NKAIN2: variants seen among roughly 807,000 people sequenced by gnomAD.
NKAIN2 encodes sodium/potassium transporting ATPase interacting 2, also known as sodium/potassium-transporting ATPase subunit beta-1-interacting protein 2.
In NKAIN2, 14 loss-of-function variants were observed where a neutral mutation model predicts 32.6. The observed-to-expected ratio is 0.43, with a 90% CI of 0.28 to 0.67. The LOEUF (loss-of-function observed/expected upper bound fraction) is 0.67. Among genes scored for constraint, NKAIN2 ranks in the 30% least tolerant of loss-of-function variants. The pLI, the probability that NKAIN2 is intolerant of heterozygous loss-of-function variation, is 0.17. For synonymous variants in NKAIN2, 80 were observed against 87.2 expected (o/e 0.92, Z 0.46); for missense variants, 198 against 258.3 (o/e 0.77, Z 1.60).
intron 2 of NKAIN2, among the ~76,000 whole-genome samples, chr6:124,315,929 C>T (rs1796931562): frequency 6.6e-6 from 1 of 151,972 alleles, no homozygotes; most frequent in Non-Finnish European, 1.5e-5. Context: ...TTAAAATGTT[C>T]TTATGACAAG....
intron 3 of NKAIN2, among the ~76,000 whole-genome samples, chr6:124,457,172 G>T (rs1292030368): frequency 6.6e-6 from 1 of 151,844 alleles, no homozygotes; most frequent in Non-Finnish European, 1.5e-5. Context: ...CTAGAACTTT[G>T]TATCCAGTGA....
At chr6:124,726,940 T>C (rs1776353871) in intron 4 of NKAIN2, among the ~76,000 whole-genome samples, 1 of 133,814 alleles carries the variant, frequency 7.5e-6, no homozygotes, top group Non-Finnish European at 1.6e-5. Flanking sequence ...TGCAATCAAC[T>C]GGAAGAAAGG....
chr6:123,959,490 T>C (rs1181855380), intron 1 of NKAIN2, among the ~76,000 whole-genome samples: 1 of 152,190 alleles, frequency 6.6e-6, no homozygotes, highest in East Asian at 1.9e-4. Flanking sequence ...AAGTGGTTGT[T>C]GTAAAAACAA....
chr6:124,716,951 T>C (rs1583709946), intron 4 of NKAIN2, among the ~76,000 whole-genome samples: 1 of 152,230 alleles, frequency 6.6e-6, no homozygotes, highest in African/African-American at 2.4e-5. Context: ...CCTACAACAA[T>C]GTCTAGCATA....
chr6:124,418,877 G>A (rs1022237627), intron 3 of NKAIN2, among the ~76,000 whole-genome samples: 15 of 151,806 alleles, frequency 9.9e-5, no homozygotes, highest in South Asian at 2.1e-4. Flanking sequence ...TTGCATATGC[G>A]AATGATTCTC....
At chr6:124,759,587 CAACACACACACACACACACA>C (rs1562367518) in intron 4 of NKAIN2, among the ~76,000 whole-genome samples, 1 of 102,268 alleles carries the variant, frequency 9.8e-6, no homozygotes, top group African/African-American at 4.0e-5. Flanking sequence ...TCTGAAATTG[CAACACACACACACACACACA>C]CACACACACA....
chr6:124,486,125 C>T (rs984632373), intron 3 of NKAIN2, among the ~76,000 whole-genome samples: 24 of 152,072 alleles, frequency 1.6e-4, no homozygotes, highest in African/African-American at 3.9e-4. Context: ...TAAACTAATA[C>T]GAGAGTATAG....
chr6:124,691,121 GA>G (rs1281833805), intron 4 of NKAIN2, among the ~76,000 whole-genome samples: 1 of 152,124 alleles, frequency 6.6e-6, no homozygotes, highest in African/African-American at 2.4e-5. Flanking sequence ...TTGTGCGATA[GA>G]AAACACTGCT....
intron 2 of NKAIN2, among the ~76,000 whole-genome samples, chr6:124,318,627 A>G (rs1243558988): frequency 6.6e-6 from 1 of 152,038 alleles, no homozygotes; most frequent in Non-Finnish European, 1.5e-5. Flanking sequence ...TCTTTGTCTT[A>G]AATCTCCTCA....
chr6:123,872,913 A>T (rs899521095), intron 1 of NKAIN2, among the ~76,000 whole-genome samples: 15 of 152,216 alleles, frequency 9.9e-5, no homozygotes, highest in African/African-American at 3.1e-4. Flanking sequence ...TTATTGGTCA[A>T]TCCTACATTC....
intron 2 of NKAIN2, among the ~76,000 whole-genome samples, chr6:124,352,554 G>T (rs12201181): frequency 0.17 from 26,592 of 152,168 alleles, 2,405 homozygotes; most frequent in Middle Eastern, 0.24. Context: ...AGGAGAGTTT[G>T]ATATGTGTAA....
intron 1 of NKAIN2, among the ~76,000 whole-genome samples, chr6:123,867,084 A>T (rs892621706): frequency 6.6e-6 from 1 of 152,106 alleles, no homozygotes; most frequent in Non-Finnish European, 1.5e-5. Context: ...AGCCTGGGAG[A>T]TGTTTCAATA....
chr6:123,955,028 A>C (rs1164948850), intron 1 of NKAIN2, among the ~76,000 whole-genome samples: 2 of 152,036 alleles, frequency 1.3e-5, no homozygotes, highest in African/African-American at 4.8e-5. Context: ...GGGTAGGTAA[A>C]AAGAGAGAAA....
chr6:123,842,857 A>G (rs1345407958), intron 1 of NKAIN2, among the ~76,000 whole-genome samples: 1 of 152,092 alleles, frequency 6.6e-6, no homozygotes, highest in Non-Finnish European at 1.5e-5. Flanking sequence ...CCTTCCTCTT[A>G]TCTGGTCCAG....
At chr6:124,403,363 A>G (rs1421843059) in intron 3 of NKAIN2, among the ~76,000 whole-genome samples, 1 of 152,148 alleles carries the variant, frequency 6.6e-6, no homozygotes, top group Non-Finnish European at 1.5e-5. Context: ...AATAAATTAC[A>G]TATACATTCA....
At chr6:124,461,294 C>CGT (rs372456880) in intron 3 of NKAIN2, among the ~76,000 whole-genome samples, 112 of 150,930 alleles carry the variant, frequency 7.4e-4, no homozygotes, top group African/African-American at 2.3e-3. Context: ...TAATTGTGAC[C>CGT]GTGTGTGTGT....
At chr6:123,977,738 T>C (rs1391252950) in intron 1 of NKAIN2, among the ~76,000 whole-genome samples, 1 of 152,202 alleles carries the variant, frequency 6.6e-6, no homozygotes, top group Non-Finnish European at 1.5e-5. Context: ...GGACTAATAA[T>C]GGCTTATGCA....
At chr6:124,445,828 A>G (rs1490245310) in intron 3 of NKAIN2, among the ~76,000 whole-genome samples, 1 of 152,094 alleles carries the variant, frequency 6.6e-6, no homozygotes, top group Non-Finnish European at 1.5e-5. Flanking sequence ...GCATGTCATT[A>G]AGGATGCTAT....
At chr6:124,483,277 G>T (rs914600778) in intron 3 of NKAIN2, among the ~76,000 whole-genome samples, 1 of 152,136 alleles carries the variant, frequency 6.6e-6, no homozygotes, top group Non-Finnish European at 1.5e-5. Context: ...ATAAGTCATA[G>T]CCATGAAAGA....
Sources: gnomAD v4.1 joint callset for allele counts (sites outside exome capture counted in the v4.1 genomes callset) on GRCh38, gnomAD v4.1.1 for gene constraint, MANE v1.5 for transcripts, NCBI Gene and HGNC (gene_info 2026-07-23, HGNC 2026-07-21) for gene names.